PHLDB2: variants seen among roughly 807,000 people sequenced by gnomAD.
PHLDB2 encodes pleckstrin homology like domain family B member 2, also known as pleckstrin homology-like domain family B member 2.
Under a neutral mutation model 123.6 loss-of-function variants are expected in PHLDB2, and 71 were observed. That is an observed-to-expected ratio of 0.57 (90% CI 0.47 to 0.70). The LOEUF (loss-of-function observed/expected upper bound fraction) is 0.70. PHLDB2 is among the 30% of genes least tolerant of loss of function. PHLDB2 has a pLI of 0.00. For synonymous variants in PHLDB2, 547 were observed against 541.6 expected, an observed-to-expected ratio of 1.01 and a Z score of -0.14; for missense variants, 1,446 against 1,519.5, an observed-to-expected ratio of 0.95 and a Z score of 0.80.
chr3:111,889,137 CTAATA>C (rs1179987265), intron 2 of PHLDB2, among the ~76,000 whole-genome samples: 16 of 152,234 alleles, frequency 1.1e-4, no homozygotes, highest in African/African-American at 3.6e-4. Flanking sequence ...TTTTAGCAAA[CTAATA>C]TAAGACAGTT....
chr3:111,935,869 A>G (rs116441915), intron 6 of PHLDB2, among the ~76,000 whole-genome samples: 2 of 152,194 alleles, frequency 1.3e-5, no homozygotes, highest in East Asian at 3.9e-4. Context: ...ATCTTTGGCA[A>G]GATCCTCCCA....
rs769849425 is a variant in PHLDB2 at position 111,884,339 on chromosome 3, A to T, written c.262A>T (p.Ile88Phe). Reference protein sequence around the residue: ...SVRSSPSLAKIQGSKQFSYDG... With the variant: ...SVRSSPSLAKFQGSKQFSYDG... ...CAGAAGCAGCCCCTCCTTAGCCAAA[A>T]TCCAGGGAAGCAAGCAGTTCTCTTA... Residue 88 changes from isoleucine (I) to phenylalanine (F), a missense_variant, in exon 2 of 18, where the codon ATC becomes TTC. This residue lies in a region of PHLDB2 where 832 missense variants were observed against 831.9 expected (regional missense o/e 1.00). Coordinates refer to ENST00000431670, the MANE Select transcript of PHLDB2 (RefSeq NM_001134438.2). 2.5e-6 allele frequency: 4 copies of T among 1,614,152 alleles called. No homozygotes were observed. The South Asian group carries it at 4.4e-5, about 18-fold the overall frequency.
chr3:111,940,321 C>T (rs2069787763), intron 7 of PHLDB2, among the ~76,000 whole-genome samples: 2 of 152,152 alleles, frequency 1.3e-5, no homozygotes. Flanking sequence ...TTTAATCAGT[C>T]GATCTATATT....
rs2070451079 is a variant in PHLDB2, at chr3:111,948,260, TG to T, written c.2488-671del. Among the ~76,000 whole-genome samples, 17 of 152,252 alleles carry T rather than the reference TG, an allele frequency of 1.1e-4. No individual in the cohort carries two copies. The South Asian group carries it at 3.5e-3, about 32-fold the overall frequency. On this transcript the variant is annotated intron_variant, in intron 9 of 17. Transcript: ENST00000431670. ...CCTTAGGACTCCGTGTGTGTGTGTG[TG>T]TGTGCATGTGTGTCTGTGTGTTTGT...
At chr3:111,895,385 G>T (rs1397806063) in intron 2 of PHLDB2, among the ~76,000 whole-genome samples, 1 of 152,116 alleles carries the variant, frequency 6.6e-6, no homozygotes, top group African/African-American at 2.4e-5. Flanking sequence ...CTAAAAAGAG[G>T]CCCTGTATGC....
intron 6 of PHLDB2, among the ~76,000 whole-genome samples, chr3:111,938,379 C>T (rs1238613873): frequency 6.6e-6 from 1 of 151,940 alleles, no homozygotes; most frequent in Admixed American, 6.6e-5. Flanking sequence ...TCACCTAGAG[C>T]CCATGTCCAA....
chr3:111,824,710 C>A (rs975617208), intron 1 of PHLDB2, among the ~76,000 whole-genome samples: 3 of 152,170 alleles, frequency 2.0e-5, no homozygotes, highest in African/African-American at 7.2e-5. Flanking sequence ...ACCTGAAGCC[C>A]AGTGAATCTA....
chr3:111,808,102 T>C (rs1458237566), intron 1 of PHLDB2, among the ~76,000 whole-genome samples: 3 of 152,080 alleles, frequency 2.0e-5, no homozygotes, highest in Non-Finnish European at 4.4e-5. Context: ...GGCTGGGGCA[T>C]TGGTGATTTT....
At chr3:111,780,412 A>AGAAGAAGAAGAAGAAGAAGAAG (rs2060419890) in intron 1 of PHLDB2, among the ~76,000 whole-genome samples, 1 of 116,680 alleles carries the variant, frequency 8.6e-6, no homozygotes, top group African/African-American at 3.4e-5. Context: ...AGAAGAAGAA[A>AGAAGAAGAAGAAGAAGAAGAAG]AAGATTAGTT....
chr3:111,928,455 C>T (rs963372745), intron 5 of PHLDB2, among the ~76,000 whole-genome samples: 1 of 152,162 alleles, frequency 6.6e-6, no homozygotes, highest in Non-Finnish European at 1.5e-5. Flanking sequence ...AGCCTTCTAT[C>T]CCTGGATTTG....
chr3:111,874,632 T>C (rs1384963833), intron 1 of PHLDB2, among the ~76,000 whole-genome samples: 1 of 152,168 alleles, frequency 6.6e-6, no homozygotes, highest in East Asian at 1.9e-4. Context: ...ATGCTTCAGC[T>C]TGGAACTGGC....
upstream of PHLDB2, among the ~76,000 whole-genome samples, chr3:111,856,830 A>G (rs1207182758): frequency 3.3e-5 from 5 of 152,364 alleles, no homozygotes; most frequent in Non-Finnish European, 1.5e-5. Flanking sequence ...CCTGCCTTAC[A>G]TTCTAGTGAG....
chr3:111,927,281 C>G (rs1344360311), intron 5 of PHLDB2, among the ~76,000 whole-genome samples: 1 of 152,030 alleles, frequency 6.6e-6, no homozygotes, highest in African/African-American at 2.4e-5. Context: ...AATCCCAGCA[C>G]TTTGAGAGGC....
chr3:111,803,655 A>G (rs2061463529), intron 1 of PHLDB2, among the ~76,000 whole-genome samples: 1 of 152,196 alleles, frequency 6.6e-6, no homozygotes, highest in Non-Finnish European at 1.5e-5. Context: ...AAACAAACTC[A>G]GGTTCTTACA....
intron 2 of PHLDB2, among the ~76,000 whole-genome samples, chr3:111,853,755 A>G (rs1325321426): frequency 6.6e-6 from 1 of 152,116 alleles, no homozygotes; most frequent in Non-Finnish European, 1.5e-5. Flanking sequence ...CATGCCTGTA[A>G]TCCCAGCTAC....
upstream of PHLDB2, among the ~76,000 whole-genome samples, chr3:111,854,828 G>A (rs1325554369): frequency 1.3e-5 from 2 of 152,186 alleles, no homozygotes; most frequent in African/African-American, 4.8e-5. Context: ...CCCAGTGGCT[G>A]TGAAAAAAGA....
upstream of PHLDB2, among the ~76,000 whole-genome samples, chr3:111,857,299 A>G (rs1272133386): frequency 6.6e-6 from 1 of 152,044 alleles, no homozygotes; most frequent in Non-Finnish European, 1.5e-5. Flanking sequence ...AAAAAATTCA[A>G]TATTAGCTGG....
At chr3:111,819,224 T>G (rs1009207057) in intron 1 of PHLDB2, among the ~76,000 whole-genome samples, 3 of 151,186 alleles carry the variant, frequency 2.0e-5, no homozygotes, top group African/African-American at 7.3e-5. Context: ...CATCTCTGAC[T>G]GGGGGTTAGG....
At chr3:111,837,180 G>A (rs2063451814) in intron 1 of PHLDB2, among the ~76,000 whole-genome samples, 1 of 152,176 alleles carries the variant, frequency 6.6e-6, no homozygotes, top group African/African-American at 2.4e-5. Context: ...AGTCTGCATA[G>A]AGTAAGAAAT....
Sources: gnomAD v4.1 joint callset for allele counts (sites outside exome capture counted in the v4.1 genomes callset) on GRCh38, gnomAD v4.1.1 for gene constraint, gnomAD v4.1.1 regional missense constraint, MANE v1.5 for transcripts, NCBI Gene and HGNC (gene_info 2026-07-23, HGNC 2026-07-21) for gene names.